ADAMTSL1: variants seen among roughly 807,000 people sequenced by gnomAD.
ADAMTSL1 encodes the protein ADAMTS-like protein 1.
In ADAMTSL1, 126 loss-of-function variants were observed where a neutral mutation model predicts 201.8. The observed-to-expected ratio is 0.62, with a 90% CI of 0.54 to 0.72. The LOEUF is 0.72. Ranked by LOEUF, ADAMTSL1 falls within the 30% of genes least tolerant of loss-of-function variation. The pLI, the probability that ADAMTSL1 is intolerant of heterozygous loss-of-function variation, is 0.00. For synonymous variants in ADAMTSL1, 1,121 were observed against 903.4 expected, an observed-to-expected ratio of 1.24 and a Z score of -4.32; for missense variants, 2,679 against 2,277.8, an observed-to-expected ratio of 1.18 and a Z score of -3.59.
intron 1 of ADAMTSL1, among the ~76,000 whole-genome samples, chr9:18,092,622 T>C (rs1022909502): frequency 1.3e-5 from 2 of 152,206 alleles, no homozygotes; most frequent in African/African-American, 4.8e-5. Flanking sequence ...TCCCCAATAC[T>C]TGTGGTCCAA....
intron 4 of ADAMTSL1, among the ~76,000 whole-genome samples, chr9:18,598,987 T>C (rs1824451050): frequency 2.0e-5 from 3 of 152,162 alleles, no homozygotes; most frequent in Non-Finnish European, 4.4e-5. Flanking sequence ...TACTGTCCTC[T>C]CTGCCCCACA....
At position 18,720,251 on chromosome 9, in the gene ADAMTSL1, A is replaced by G. The variant is rs10963736; in HGVS notation, c.1877-1285A>G. 3.3e-5 allele frequency among the ~76,000 whole-genome samples: 5 copies of G among 152,300 alleles called. No individual in the cohort carries two copies. In the East Asian group the frequency reaches 7.7e-4, roughly 24 times the overall value. Reference sequence around the variant, plus strand: ...GGGCACAGCCATCCTCAGCTTTACCATTTACAACTGTATGAACTTAAGCAG... The same window carrying G: ...GGGCACAGCCATCCTCAGCTTTACCGTTTACAACTGTATGAACTTAAGCAG... On this transcript the variant is annotated intron_variant, in intron 14 of 28. Coordinates refer to ENST00000380548, the MANE Select transcript of ADAMTSL1 (RefSeq NM_001040272.6).
chr9:18,841,684 G>A (rs1441420885), intron 23 of ADAMTSL1, among the ~76,000 whole-genome samples: 1 of 152,152 alleles, frequency 6.6e-6, no homozygotes, highest in Admixed American at 6.5e-5. Context: ...TTTTTGGTTG[G>A]TAAGCTATTG....
chr9:18,403,322 C>T (rs1832640), intron 2 of ADAMTSL1, among the ~76,000 whole-genome samples: 149,521 of 152,140 alleles, frequency 0.98, 73,524 homozygotes, highest in East Asian at 1. Context: ...TAGCTGGGAT[C>T]ACAGGCACAC....
intron 1 of ADAMTSL1, among the ~76,000 whole-genome samples, chr9:18,123,539 A>G (rs1352399808): frequency 6.6e-6 from 1 of 152,228 alleles, no homozygotes; most frequent in Non-Finnish European, 1.5e-5. Context: ...TTTATTATTT[A>G]TACTCACATA....
chr9:18,309,376 A>G (rs1834030222), intron 2 of ADAMTSL1, among the ~76,000 whole-genome samples: 1 of 152,184 alleles, frequency 6.6e-6, no homozygotes, highest in Non-Finnish European at 1.5e-5. Context: ...GTATTCAGAT[A>G]GGAAGAGAGG....
chr9:17,997,683 G>GA (rs974438290), intron 1 of ADAMTSL1, among the ~76,000 whole-genome samples: 3 of 151,566 alleles, frequency 2.0e-5, no homozygotes, highest in Non-Finnish European at 2.9e-5. Context: ...TCTGCACGGG[G>GA]AAAAAAAAGA....
At chr9:18,572,516 A>G (rs973247324) in intron 3 of ADAMTSL1, among the ~76,000 whole-genome samples, 3 of 152,150 alleles carry the variant, frequency 2.0e-5, no homozygotes, top group Non-Finnish European at 4.4e-5. Flanking sequence ...TTCCTCTGCT[A>G]CTATGGTTTA....
intron 16 of ADAMTSL1, among the ~76,000 whole-genome samples, chr9:18,755,698 A>C (rs561767847): frequency 4.8e-4 from 73 of 152,266 alleles, no homozygotes; most frequent in African/African-American, 1.7e-3. Context: ...CTTCCAAAGA[A>C]TCACTTATTC....
intron 3 of ADAMTSL1, among the ~76,000 whole-genome samples, chr9:18,559,756 T>C (rs1462968059): frequency 1.3e-5 from 2 of 152,238 alleles, no homozygotes; most frequent in Non-Finnish European, 2.9e-5. Flanking sequence ...AGGTATTTTA[T>C]TCTCTTTGTA....
intron 2 of ADAMTSL1, among the ~76,000 whole-genome samples, chr9:18,382,447 G>C (rs924203903): frequency 6.6e-6 from 1 of 151,994 alleles, no homozygotes; most frequent in African/African-American, 2.4e-5. Context: ...TCTAAATATA[G>C]CCACTTTTCC....
chr9:18,010,243 G>T (rs924634819), intron 1 of ADAMTSL1, among the ~76,000 whole-genome samples: 2 of 151,982 alleles, frequency 1.3e-5, no homozygotes, highest in African/African-American at 4.8e-5. Context: ...GATTAGCTCT[G>T]AGCCCTGCAT....
At chr9:18,797,397 T>G (rs965710987) in intron 20 of ADAMTSL1, among the ~76,000 whole-genome samples, 2 of 152,230 alleles carry the variant, frequency 1.3e-5, no homozygotes, top group African/African-American at 4.8e-5. Context: ...CCAGCTCCTG[T>G]TGTGAGCACA....
rs1013982595 is a variant in ADAMTSL1, at chr9:18,840,264, T to G, written c.4249+10287T>G. 1.4e-4 allele frequency among the ~76,000 whole-genome samples: 22 copies of G among 152,210 alleles called. 1 individual carries two copies. The highest frequency in any genetic ancestry group is 5.1e-4 in the African/African-American group (21 of 41,536). ...CAGCTTTCTACATATGGCTAGCCAG[T>G]TTTCCCAGCACCATTTATTAAATAG... On this transcript the variant is annotated intron_variant, in intron 23 of 28. Transcript: ENST00000380548.
intron 1 of ADAMTSL1, among the ~76,000 whole-genome samples, chr9:18,090,120 A>T: frequency 6.6e-6 from 1 of 152,190 alleles, no homozygotes; most frequent in Non-Finnish European, 1.5e-5. Context: ...GAAAGTAAGT[A>T]TTGGCAAGAA....
At chr9:18,045,938 G>T (rs189584647) in intron 1 of ADAMTSL1, among the ~76,000 whole-genome samples, 147 of 152,228 alleles carry the variant, frequency 9.7e-4, no homozygotes, top group South Asian at 5.4e-3. Context: ...GAGACAGAAA[G>T]GGTAAACACT....
At chr9:18,129,147 G>C (rs1425665136) in intron 1 of ADAMTSL1, among the ~76,000 whole-genome samples, 2 of 152,114 alleles carry the variant, frequency 1.3e-5, no homozygotes, top group Non-Finnish European at 2.9e-5. Flanking sequence ...ATAATATTAT[G>C]ATTAAAGGAG....
chr9:18,877,578 G>C (rs1034005425), intron 23 of ADAMTSL1, among the ~76,000 whole-genome samples: 2 of 152,184 alleles, frequency 1.3e-5, no homozygotes, highest in African/African-American at 4.8e-5. Context: ...CTTGTGATGT[G>C]ATTTGTCTTC....
At chr9:18,555,751 T>C (rs573183858) in intron 3 of ADAMTSL1, among the ~76,000 whole-genome samples, 1 of 152,012 alleles carries the variant, frequency 6.6e-6, no homozygotes, top group South Asian at 2.1e-4. Flanking sequence ...GAGGTGACCA[T>C]ATTGGATCAT....
Sources: allele counts gnomAD v4.1 joint callset (sites outside exome capture counted in the v4.1 genomes callset), GRCh38; gene constraint gnomAD v4.1.1; transcripts MANE v1.5; gene names NCBI Gene and HGNC (gene_info 2026-07-23, HGNC 2026-07-21).